CRISPLD2: variants seen among roughly 807,000 people sequenced by gnomAD.
The protein encoded by CRISPLD2 is cysteine-rich secretory protein LCCL domain-containing 2.
Under a neutral mutation model 71.1 loss-of-function variants are expected in CRISPLD2, and 47 were observed. That is an observed-to-expected ratio of 0.66 (90% CI 0.52 to 0.84). The LOEUF (loss-of-function observed/expected upper bound fraction) is 0.84. CRISPLD2 is among the 40% of genes least tolerant of loss of function. The pLI, the probability that CRISPLD2 is intolerant of heterozygous loss-of-function variation, is 0.00. For synonymous variants in CRISPLD2, 317 were observed against 250.1 expected, an observed-to-expected ratio of 1.27 and a Z score of -2.52; for missense variants, 830 against 651.1, an observed-to-expected ratio of 1.27 and a Z score of -2.99.
intron 14 of CRISPLD2, among the ~76,000 whole-genome samples, chr16:84,897,291 A>C (rs1315874094): frequency 1.5e-5 from 2 of 136,522 alleles, no homozygotes; most frequent in African/African-American, 6.0e-5. Flanking sequence ...TAAAAATACA[A>C]AAAAAAAAAA....
At chr16:84,875,257 A>ATGTGTGTG (rs138882523) in intron 11 of CRISPLD2, among the ~76,000 whole-genome samples, 79 of 148,334 alleles carry the variant, frequency 5.3e-4, no homozygotes, top group African/African-American at 1.0e-3. Flanking sequence ...ATATATACAT[A>ATGTGTGTG]TGTGTGTGTG....
intron 14 of CRISPLD2, among the ~76,000 whole-genome samples, chr16:84,895,268 A>G (rs2071696501): frequency 1.3e-5 from 2 of 152,190 alleles, no homozygotes; most frequent in East Asian, 1.9e-4. Flanking sequence ...GGCCGCCTGT[A>G]CCAGAATCCA....
rs994242490 is a variant in CRISPLD2, at chr16:84,872,385, T to G, written c.915-57T>G. The G allele has an allele frequency of 3.7e-6, 5 of 1,363,712 alleles. No homozygotes were observed. The African/African-American group carries it at 7.2e-5, about 20-fold the overall frequency. The allele number at this position is 1,363,712 out of a possible 1,614,324, so 84.5% of individuals were successfully genotyped here. A position where few individuals can be genotyped will look rare whatever the true frequency, so the allele number is the denominator to read the frequency against. On this transcript the variant is annotated intron_variant, in intron 8 of 14. Coordinates refer to ENST00000262424, the MANE Select transcript of CRISPLD2 (RefSeq NM_031476.4). ...TCGATGAAAAAAATGATAAACTCAT[T>G]GTGAGATGTAATCAACGTGCTTATC...
At chr16:84,861,239 A>C (rs1917371135) in intron 6 of CRISPLD2, among the ~76,000 whole-genome samples, 1 of 152,202 alleles carries the variant, frequency 6.6e-6, no homozygotes, top group Non-Finnish European at 1.5e-5. Context: ...AAAGAACTCC[A>C]TCCTTAATAT....
At chr16:84,886,643 T>A (rs772645193) in intron 13 of CRISPLD2, among the ~76,000 whole-genome samples, 10 of 151,946 alleles carry the variant, frequency 6.6e-5, no homozygotes, top group Non-Finnish European at 1.3e-4. Flanking sequence ...AGCAACATGG[T>A]GAAACCCCAT....
At chr16:84,899,906 G>T (rs1478295037) in intron 14 of CRISPLD2, among the ~76,000 whole-genome samples, 3 of 152,176 alleles carry the variant, frequency 2.0e-5, no homozygotes, top group Non-Finnish European at 4.4e-5. Flanking sequence ...CCCCAACGTG[G>T]CTTGCCCCCC....
chr16:84,842,413 C>T (rs182815294), intron 2 of CRISPLD2: 6 of 142,402 alleles, frequency 4.2e-5, no homozygotes, highest in East Asian at 2.1e-4. Flanking sequence ...CTAGCACTGT[C>T]GCCTAGGCTG....
chr16:84,856,278 G>C (rs767841269), intron 6 of CRISPLD2, among the ~76,000 whole-genome samples: 5 of 152,142 alleles, frequency 3.3e-5, no homozygotes, highest in Admixed American at 6.5e-5. Context: ...TGTATTCCAC[G>C]CATACTCTTC....
intron 6 of CRISPLD2, chr16:84,863,037 C>A (rs1567692271): frequency 6.6e-6 from 1 of 152,184 alleles, no homozygotes; most frequent in Non-Finnish European, 1.5e-5. Context: ...CTCCAGGGAG[C>A]CTTCCTGGAC....
intron 13 of CRISPLD2, 140 bp downstream of exon 13, chr16:84,880,724 G>C: frequency 7.3e-6 from 4 of 549,694 alleles, no homozygotes; most frequent in Non-Finnish European, 1.3e-5. Flanking sequence ...AATTAATTTC[G>C]AGATGGAGTC....
At chr16:84,832,874 G>A (rs1343858719) in intron 1 of CRISPLD2, among the ~76,000 whole-genome samples, 2 of 152,352 alleles carry the variant, frequency 1.3e-5, no homozygotes, top group South Asian at 2.1e-4. Flanking sequence ...TGTTGAGTAC[G>A]ATGGCGCCCA....
At chr16:84,894,752 G>C (rs2071691471) in intron 14 of CRISPLD2, among the ~76,000 whole-genome samples, 1 of 151,868 alleles carries the variant, frequency 6.6e-6, no homozygotes, top group African/African-American at 2.4e-5. Context: ...TTCTTTTTTG[G>C]GTATAAGGTC....
intron 1 of CRISPLD2, among the ~76,000 whole-genome samples, chr16:84,829,538 G>T (rs1916435624): frequency 6.6e-6 from 1 of 152,152 alleles, no homozygotes; most frequent in South Asian, 2.1e-4. Context: ...TACTTGTGAG[G>T]AAGGGTAGAG....
At chr16:84,840,613 TCTC>T (rs1916744090) in intron 2 of CRISPLD2, among the ~76,000 whole-genome samples, 1 of 152,134 alleles carries the variant, frequency 6.6e-6, no homozygotes, top group Non-Finnish European at 1.5e-5. Flanking sequence ...TTCAAGCAAT[TCTC>T]CTGACTCTGC....
chr16:84,851,648 G>A (rs1324862511), intron 5 of CRISPLD2, among the ~76,000 whole-genome samples: 3 of 152,356 alleles, frequency 2.0e-5, no homozygotes, highest in East Asian at 1.9e-4. Context: ...ACATGGATGA[G>A]CGCAGCGGGT....
chr16:84,896,587 C>G (rs1484690433), intron 14 of CRISPLD2, among the ~76,000 whole-genome samples: 1 of 152,050 alleles, frequency 6.6e-6, no homozygotes, highest in East Asian at 1.9e-4. Flanking sequence ...GGTGATTTTG[C>G]TCAGCTGTGG....
At chr16:84,824,307 T>G (rs1189855204) in intron 1 of CRISPLD2, among the ~76,000 whole-genome samples, 2 of 152,284 alleles carry the variant, frequency 1.3e-5, no homozygotes, top group African/African-American at 2.4e-5. Context: ...TACCACTTAG[T>G]GGGCACCATC....
chr16:84,882,156 A>T (rs2641663), intron 13 of CRISPLD2, among the ~76,000 whole-genome samples: 120,702 of 151,960 alleles, frequency 0.79, 48,450 homozygotes, highest in East Asian at 0.97. Flanking sequence ...TGGGCAAAGC[A>T]ATCCCAGCCA....
intron 8 of CRISPLD2, among the ~76,000 whole-genome samples, chr16:84,870,951 G>A (rs1349936027): frequency 6.6e-6 from 1 of 152,004 alleles, no homozygotes; most frequent in Non-Finnish European, 1.5e-5. Flanking sequence ...CCAGCTACTC[G>A]GGAGGCTGAG....
Sources: gnomAD v4.1 joint callset for allele counts (sites outside exome capture counted in the v4.1 genomes callset) on GRCh38, gnomAD v4.1.1 for gene constraint, MANE v1.5 for transcripts, NCBI Gene and HGNC (gene_info 2026-07-23, HGNC 2026-07-21) for gene names.